MPP7: variants seen among roughly 807,000 people sequenced by gnomAD.
MPP7 encodes the protein MAGUK p55 scaffold protein 7, also known as MAGUK p55 subfamily member 7.
Under a neutral mutation model 76.5 loss-of-function variants are expected in MPP7, and 60 were observed. The observed-to-expected ratio is 0.78, with a 90% CI of 0.64 to 0.97. The LOEUF (loss-of-function observed/expected upper bound fraction) is 0.97, where lower values mean the gene tolerates loss of function less well. MPP7 is among the 50% of genes least tolerant of loss of function. MPP7 has a pLI of 0.00. For missense variants in MPP7, 641 were observed against 694.0 expected (o/e 0.92, Z 0.86); for synonymous variants, 237 against 244.5 (o/e 0.97, Z 0.29).
chr10:28,096,201 G>A (rs2062626499), intron 11 of MPP7, among the ~76,000 whole-genome samples: 1 of 151,996 alleles, frequency 6.6e-6, no homozygotes, highest in Admixed American at 6.6e-5. Flanking sequence ...ACTTCATTAG[G>A]GCAAATTGCT....
intron 3 of MPP7, among the ~76,000 whole-genome samples, chr10:28,172,449 C>T (rs1012184849): frequency 7.2e-5 from 11 of 152,216 alleles, no homozygotes; most frequent in Non-Finnish European, 1.5e-4. Context: ...CTACCCTAAA[C>T]ATACATGTAT....
chr10:28,262,636 C>A (rs765633477), intron 1 of MPP7, among the ~76,000 whole-genome samples: 1 of 152,086 alleles, frequency 6.6e-6, no homozygotes, highest in Non-Finnish European at 1.5e-5. Context: ...AAGAAACATT[C>A]GCTAGTTACA....
chr10:28,195,291 G>A (rs1217844888), intron 3 of MPP7, among the ~76,000 whole-genome samples: 2 of 152,186 alleles, frequency 1.3e-5, no homozygotes, highest in Non-Finnish European at 2.9e-5. Flanking sequence ...TACACTGCTG[G>A]TGGGAATATA....
At chr10:28,320,769 C>T (rs1834362248) in intron 2 of MPP7, among the ~76,000 whole-genome samples, 1 of 151,864 alleles carries the variant, frequency 6.6e-6, no homozygotes, top group South Asian at 2.1e-4. Flanking sequence ...TTAATATCTA[C>T]ATCAAGCCTA....
chr10:28,175,023 G>T (rs952464494), intron 3 of MPP7, among the ~76,000 whole-genome samples: 2 of 152,140 alleles, frequency 1.3e-5, no homozygotes, highest in Non-Finnish European at 2.9e-5. Context: ...GCTGAGCATG[G>T]TGGCTCATGC....
intron 2 of MPP7, among the ~76,000 whole-genome samples, chr10:28,316,763 T>G (rs1329689185): frequency 1.3e-5 from 2 of 152,216 alleles, no homozygotes; most frequent in East Asian, 3.8e-4. Flanking sequence ...ATTTGAACAC[T>G]CAAGACTTGA....
At chr10:28,118,197 C>CA (rs1453559560) in intron 11 of MPP7, 1 of 985,176 alleles carries the variant, frequency 1.0e-6, no homozygotes, top group Non-Finnish European at 1.2e-6. Flanking sequence ...CACATACCCC[C>CA]ACACACACCT....
chr10:28,250,102 G>A (rs1221393342), intron 1 of MPP7, among the ~76,000 whole-genome samples: 1 of 150,880 alleles, frequency 6.6e-6, no homozygotes, highest in Non-Finnish European at 1.5e-5. Flanking sequence ...CCTATTGGAT[G>A]TAACAGAACC....
intron 1 of MPP7, among the ~76,000 whole-genome samples, chr10:28,299,041 C>G (rs2133150056): frequency 6.6e-6 from 1 of 152,302 alleles, no homozygotes; most frequent in South Asian, 2.1e-4. Flanking sequence ...ATCCAGACCA[C>G]TAAAACCTTC....
intron 2 of MPP7, among the ~76,000 whole-genome samples, chr10:28,214,599 A>C (rs887199845): frequency 6.6e-6 from 1 of 152,124 alleles, no homozygotes; most frequent in South Asian, 2.1e-4. Context: ...TGACGATGAA[A>C]CCGCCTTTGC....
chr10:28,087,932 C>T (rs1853099032), intron 12 of MPP7, among the ~76,000 whole-genome samples: 2 of 152,176 alleles, frequency 1.3e-5, no homozygotes, highest in African/African-American at 4.8e-5. Context: ...ATTCTTCCTC[C>T]TCCTCCTTGA....
chr10:28,238,060 T>TTA (rs1273084559), intron 2 of MPP7, among the ~76,000 whole-genome samples: 1 of 152,166 alleles, frequency 6.6e-6, no homozygotes, highest in Non-Finnish European at 1.5e-5. Flanking sequence ...TGTTTGTTTG[T>TTA]TAGTTTTAAT....
At chr10:28,066,563 A>G (rs1000606682) in intron 13 of MPP7, among the ~76,000 whole-genome samples, 2 of 152,178 alleles carry the variant, frequency 1.3e-5, no homozygotes, top group African/African-American at 2.4e-5. Flanking sequence ...TAACATTTAA[A>G]GCCTGAGTAT....
At chr10:28,214,235 G>A (rs1188896936) in intron 2 of MPP7, among the ~76,000 whole-genome samples, 1 of 152,140 alleles carries the variant, frequency 6.6e-6, no homozygotes, top group African/African-American at 2.4e-5. Context: ...CAGCCACAGT[G>A]AATTGTTATT....
At chr10:28,249,921 T>C (rs1425211179) in intron 1 of MPP7, among the ~76,000 whole-genome samples, 3 of 152,168 alleles carry the variant, frequency 2.0e-5, no homozygotes, top group African/African-American at 7.2e-5. Flanking sequence ...TTTGTGCACA[T>C]TTGAAATTTT....
At chr10:28,120,076 T>TA in intron 10 of MPP7, 118 bp downstream of exon 10, 1 of 1,104,196 alleles carries the variant, frequency 9.1e-7, no homozygotes, top group African/African-American at 1.6e-5. Flanking sequence ...ACCCACAGGA[T>TA]AAAAAATTCT....
intron 16 of MPP7, 132 bp downstream of exon 16, chr10:28,056,348 G>C: frequency 1.2e-6 from 1 of 863,732 alleles, no homozygotes; most frequent in Non-Finnish European, 1.8e-6. Flanking sequence ...TTGTAGAGAT[G>C]GGGTTTCACC....
chr10:28,087,434 T>G (rs1487176697), intron 12 of MPP7, among the ~76,000 whole-genome samples: 2 of 152,146 alleles, frequency 1.3e-5, no homozygotes, highest in African/African-American at 4.8e-5. Context: ...CTTGCTCTGT[T>G]GCCCCGGCTG....
intron 1 of MPP7, among the ~76,000 whole-genome samples, chr10:28,298,465 T>C (rs1457716010): frequency 6.6e-6 from 1 of 152,226 alleles, no homozygotes; most frequent in African/African-American, 2.4e-5. Flanking sequence ...CCCTTTCTTC[T>C]GAGCAGTGGG....
Sources: gnomAD v4.1 joint callset for allele counts (sites outside exome capture counted in the v4.1 genomes callset) on GRCh38, gnomAD v4.1.1 for gene constraint, MANE v1.5 for transcripts, NCBI Gene and HGNC (gene_info 2026-07-23, HGNC 2026-07-21) for gene names.